Variants in LOXHD1 observed in about 807,000 individuals in gnomAD.
LOXHD1 encodes lipoxygenase homology domain-containing protein 1.
A neutral mutation model predicts 248.2 loss-of-function variants in LOXHD1; 205 were observed. The observed-to-expected ratio is 0.83, with a 90% CI of 0.74 to 0.93. LOXHD1 has a LOEUF of 0.93. LOXHD1 is among the 40% of genes least tolerant of loss of function. LOXHD1 has a pLI of 0.00. For missense variants in LOXHD1, 2,930 were observed against 2,971.6 expected (o/e 0.99, Z 0.33); for synonymous variants, 1,113 against 1,162.8 (o/e 0.96, Z 0.87).
At chr18:46,491,620 C>T (rs1403933222) in intron 37 of LOXHD1, among the ~76,000 whole-genome samples, 1 of 152,276 alleles carries the variant, frequency 6.6e-6, no homozygotes. Flanking sequence ...ATGGCATTAC[C>T]TGGAGACGTG....
intron 4 of LOXHD1, among the ~76,000 whole-genome samples, chr18:46,635,455 A>C (rs1260642838): frequency 6.6e-6 from 1 of 152,170 alleles, no homozygotes; most frequent in Non-Finnish European, 1.5e-5. Flanking sequence ...GGAGACCCAC[A>C]GTCTAGTCCT....
chr18:46,604,792 T>A (rs1047631189), intron 6 of LOXHD1, among the ~76,000 whole-genome samples: 12 of 152,284 alleles, frequency 7.9e-5, no homozygotes, highest in Admixed American at 6.5e-4. Flanking sequence ...GAGGCTGAGA[T>A]AAGTGTGCCT....
intron 4 of LOXHD1, among the ~76,000 whole-genome samples, chr18:46,636,674 C>T (rs2038896884): frequency 6.6e-6 from 1 of 152,182 alleles, no homozygotes; most frequent in Non-Finnish European, 1.5e-5. Context: ...ACATGCCCCC[C>T]TTTACTCTCT....
chr18:46,621,212 G>A (rs1177703318), intron 4 of LOXHD1, among the ~76,000 whole-genome samples: 2 of 152,182 alleles, frequency 1.3e-5, no homozygotes, highest in Non-Finnish European at 2.9e-5. Flanking sequence ...ATCCCTGTGT[G>A]ACAGGTGACT....
chr18:46,587,081 CTGCCTACCAATA>C (rs1337504745), intron 12 of LOXHD1, among the ~76,000 whole-genome samples: 7 of 152,204 alleles, frequency 4.6e-5, no homozygotes, highest in Non-Finnish European at 8.8e-5. Context: ...GAGAAATCTC[CTGCCTACCAATA>C]TTGTCTCCTC....
At chr18:46,589,257 T>G (rs1407628166) in intron 12 of LOXHD1, among the ~76,000 whole-genome samples, 1 of 152,126 alleles carries the variant, frequency 6.6e-6, no homozygotes, top group Non-Finnish European at 1.5e-5. Context: ...CTGTTAGCAA[T>G]AATGCGAACC....
intron 6 of LOXHD1, among the ~76,000 whole-genome samples, chr18:46,608,955 C>T (rs1431552978): frequency 6.6e-6 from 1 of 152,256 alleles, no homozygotes; most frequent in African/African-American, 2.4e-5. Flanking sequence ...TGAAAGCTAA[C>T]TGCCCAATTT....
intron 6 of LOXHD1, among the ~76,000 whole-genome samples, chr18:46,609,883 G>C (rs2038478511): frequency 6.6e-6 from 1 of 152,214 alleles, no homozygotes; most frequent in African/African-American, 2.4e-5. Flanking sequence ...GGCAAGGCCA[G>C]ATAGAGCCAG....
At chr18:46,598,578 T>G (rs1196166602) in intron 8 of LOXHD1, among the ~76,000 whole-genome samples, 1 of 151,912 alleles carries the variant, frequency 6.6e-6, no homozygotes, top group Non-Finnish European at 1.5e-5. Flanking sequence ...TATTGAGACA[T>G]TATCAGAATT....
chr18:46,528,014 C>A (rs1243465202), intron 29 of LOXHD1, among the ~76,000 whole-genome samples: 3 of 152,172 alleles, frequency 2.0e-5, no homozygotes, highest in African/African-American at 7.2e-5. Flanking sequence ...GGGTCACCAG[C>A]CAGCTGCAGA....
At chr18:46,601,177 G>C in intron 8 of LOXHD1, 40 bp downstream of exon 8, 1 of 1,536,976 alleles carries the variant, frequency 6.5e-7, no homozygotes, top group East Asian at 2.5e-5. Context: ...AGAGGAGAGG[G>C]GTTGAATCAG....
chr18:46,498,607 T>A (rs1481904781), intron 37 of LOXHD1, among the ~76,000 whole-genome samples: 1 of 152,198 alleles, frequency 6.6e-6, no homozygotes, highest in African/African-American at 2.4e-5. Context: ...CCTCAGCTTG[T>A]CACTGCTATC....
At chr18:46,616,664 T>A (rs943638009) in intron 5 of LOXHD1, among the ~76,000 whole-genome samples, 1 of 152,234 alleles carries the variant, frequency 6.6e-6, no homozygotes, top group Non-Finnish European at 1.5e-5. Context: ...TGGTAAACTC[T>A]ATTTATCTTT....
At position 46,559,262 on chromosome 18, in the gene LOXHD1, C is replaced by T. The variant is rs886801707; in HGVS notation, c.3216+186G>A. 45 of 1,525,472 alleles carry T rather than the reference C, an allele frequency of 2.9e-5. No homozygotes were observed. In the Admixed American group the frequency reaches 4.0e-4, roughly 13 times the overall value. 94.5% of individuals were successfully genotyped at this position (1,525,472 alleles called of 1,614,324 possible). A position where few individuals can be genotyped will look rare whatever the true frequency, so the allele number is the denominator to read the frequency against. ...GCTCTAGGTGCTGGGGCCCTGCCTG[C>T]AATTCTCTCATAACCCCTCCACAAA... is the stretch of plus-strand genomic sequence containing the variant. On this transcript the variant is annotated intron_variant, in intron 20 of 40. Coordinates refer to ENST00000642948, the MANE Select transcript of LOXHD1 (RefSeq NM_001384474.1).
intron 35 of LOXHD1, among the ~76,000 whole-genome samples, chr18:46,508,444 G>A (rs973418946): frequency 6.6e-6 from 1 of 152,164 alleles, no homozygotes; most frequent in Non-Finnish European, 1.5e-5. Context: ...GCATGATGCT[G>A]CCCCGAGCCA....
chr18:46,611,639 T>A (rs2038510095), intron 5 of LOXHD1, among the ~76,000 whole-genome samples: 1 of 152,186 alleles, frequency 6.6e-6, no homozygotes, highest in African/African-American at 2.4e-5. Context: ...TAATTTTTTT[T>A]AAATTTTAGG....
In LOXHD1 at chr18:46,615,917, CATT is replaced by C. The variant is rs2038580078; in HGVS notation, c.610+2272_610+2274del. ...AAAATTATTGCATCATTCTTTTTGT[CATT>C]ATTCCTTTTGTCATTGTCTATTTTT... On this transcript the variant is annotated intron_variant, in intron 5 of 40. Coordinates refer to ENST00000642948, the MANE Select transcript of LOXHD1 (RefSeq NM_001384474.1). Among the ~76,000 whole-genome samples, 5 of 152,224 alleles carry C rather than the reference CATT, an allele frequency of 3.3e-5. No individual in the cohort carries two copies. In the South Asian group the frequency reaches 1.0e-3, roughly 32 times the overall value.
intron 5 of LOXHD1, 32 bp downstream of exon 5, chr18:46,618,160 G>C: frequency 6.7e-7 from 1 of 1,495,194 alleles, no homozygotes; most frequent in South Asian, 1.2e-5. Flanking sequence ...TCCTGGGCTT[G>C]GCTTATGAAA....
At chr18:46,490,341 T>C (rs1194302201) in intron 37 of LOXHD1, among the ~76,000 whole-genome samples, 1 of 152,248 alleles carries the variant, frequency 6.6e-6, no homozygotes, top group Non-Finnish European at 1.5e-5. Context: ...TTGGCGGTCC[T>C]GGTATAGCAT....
Sources: gnomAD v4.1 joint callset for allele counts (sites outside exome capture counted in the v4.1 genomes callset) on GRCh38, gnomAD v4.1.1 for gene constraint, MANE v1.5 for transcripts, NCBI Gene and HGNC (gene_info 2026-07-23, HGNC 2026-07-21) for gene names.